Variants in HIF3A observed in about 807,000 individuals in gnomAD.
HIF3A encodes the protein hypoxia-inducible factor 3-alpha.
In HIF3A, 41 loss-of-function variants were observed where a neutral mutation model predicts 67.2. The ratio of observed to expected loss-of-function variants is 0.61; its 90% CI spans 0.48 to 0.79. The LOEUF is 0.79. HIF3A is among the 30% of genes least tolerant of loss of function. HIF3A has a pLI of 0.00. For synonymous variants in HIF3A, 356 were observed against 374.8 expected (o/e 0.95, Z 0.58); for missense variants, 855 against 898.0 (o/e 0.95, Z 0.61).
Position 46,339,603 on chromosome 19 carries a change from G to T in HIF3A, c.1991G>T (p.Gly664Val). The T allele has an allele frequency of 1.2e-6, 2 of 1,606,684 alleles. No homozygotes were observed. Among genetic ancestry groups the T allele is most frequent in the Non-Finnish European group, 1.7e-6 (2 of 1,175,836 alleles). The change falls in exon 15 of 15, where the codon GGC (glycine) becomes GTC (valine). Residue 664 changes from glycine (G) to valine (V), a missense_variant. Around this residue, in one of 3 missense-constraint regions of HIF3A, gnomAD observed 199 missense variants for 193.8 expected, o/e 1.03. Coordinates refer to ENST00000377670, the MANE Select transcript of HIF3A (RefSeq NM_152795.4). ...QPGGPFQPRA[G>V]SAQAD ...GGGGGCCCCTTCCAGCCAAGGGCAGGCTCAGCCCAGGCTGACTGAGCCGGC... is the reference window on the plus strand; with the variant it reads ...GGGGGCCCCTTCCAGCCAAGGGCAGTCTCAGCCCAGGCTGACTGAGCCGGC...
Position 46,341,898 on chromosome 19 carries a change from C to G in HIF3A, c.*2276C>G, listed in dbSNP as rs1971948532. ...ACCTCAGATGATCCACCCGCCTCAG[C>G]CTCCCAAAGTGCTGGGATTACAGGC... is the stretch of plus-strand genomic sequence containing the variant. On this transcript the variant is annotated 3_prime_UTR_variant, in exon 15 of 15. Transcript: ENST00000377670. The G allele has an allele frequency of 6.6e-6, 1 of 152,172 alleles. No homozygotes were observed. The highest frequency in any genetic ancestry group is 1.5e-5 in the Non-Finnish European group (1 of 68,064). The allele number at this position is 152,172 out of a possible 1,614,324, so 9.4% of individuals were successfully genotyped here.
chr19:46,323,271 G>A (rs1049896324), intron 10 of HIF3A, among the ~76,000 whole-genome samples: 5 of 151,606 alleles, frequency 3.3e-5, no homozygotes, highest in Non-Finnish European at 5.9e-5. Context: ...GGCTGGTCTC[G>A]AACTCCTGAC....
chr19:46,337,260 G>A (rs888253332), intron 14 of HIF3A, among the ~76,000 whole-genome samples: 7 of 151,864 alleles, frequency 4.6e-5, no homozygotes, highest in African/African-American at 1.5e-4. Flanking sequence ...TTTTTGGGGT[G>A]TGGGGGGACA....
intron 10 of HIF3A, among the ~76,000 whole-genome samples, chr19:46,323,295 C>A (rs943648574): frequency 6.6e-6 from 1 of 151,696 alleles, no homozygotes; most frequent in African/African-American, 2.4e-5. Context: ...ATGATCCACC[C>A]GCCTCGGCCT....
In HIF3A at chr19:46,334,915, T is replaced by C. The variant is rs755130386; in HGVS notation, c.1841T>C (p.Leu614Pro). 1 of 1,609,060 alleles carries C rather than the reference T, an allele frequency of 6.2e-7. No individual in the cohort carries two copies. Among genetic ancestry groups the C allele is most frequent in the Non-Finnish European group, 8.5e-7 (1 of 1,177,736 alleles). ...LLFPLSLSFL[L>P]TGGPAPGSLQ... ...GTCTCTCTCCCACAGAGTTTCCTTC[T>C]GACAGGAGGACCAGCCCCAGGGAGC... Residue 614 changes from leucine to proline, a missense_variant, in exon 14 of 15, where the codon CTG (leucine) becomes CCG (proline). Coordinates refer to ENST00000377670, the MANE Select transcript of HIF3A (RefSeq NM_152795.4).
chr19:46,312,559 G>T lies in HIF3A; in HGVS notation c.931G>T (p.Gly311Cys), dbSNP rs957453618. 1.9e-6 allele frequency: 3 copies of T among 1,613,382 alleles called. No homozygotes were observed. The highest frequency in any genetic ancestry group is 2.7e-5 in the African/African-American group (2 of 74,900). Residue 311 changes from glycine to cysteine, a missense_variant, in exon 8 of 15, where the codon GGT becomes TGT. Gly to Cys is a radical substitution (Grantham distance 159). Coordinates refer to ENST00000377670, the MANE Select transcript of HIF3A (RefSeq NM_152795.4). ...TGQYRFLARS[G>C]GYLWTQTQAT... ...GCAGTATCGCTTCCTGGCCCGGAGT[G>T]GTGGCTACCTGTGGACCCAGACCCA...
At position 46,307,502 on chromosome 19, in the gene HIF3A, C is replaced by T. The variant is rs374787380; in HGVS notation, c.364-719C>T. Among the ~76,000 whole-genome samples, 114 of 152,250 alleles carry T rather than the reference C, an allele frequency of 7.5e-4. 3 individuals carry two copies. The South Asian group carries it at 0.023, about 30-fold the overall frequency. On this transcript the variant is annotated intron_variant, in intron 3 of 14. Transcript: ENST00000377670. ...GTGGCTCACACCTATAATCCCAGCA[C>T]TTTGGAAGGCCAAAGTAGGCAGATC...
At position 46,314,428 on chromosome 19, in the gene HIF3A, A is replaced by G. The variant is rs1471401067; in HGVS notation, c.1025+1775A>G. Among the ~76,000 whole-genome samples, 2 of 146,940 alleles carry G rather than the reference A, an allele frequency of 1.4e-5. 1 individual carries two copies. Among genetic ancestry groups the G allele is most frequent in the Non-Finnish European group, 3.0e-5 (2 of 66,932 alleles). On this transcript the variant is annotated intron_variant, in intron 8 of 14. Transcript: ENST00000377670. ...AAATATATATGGTTTTCATGCAGTA[A>G]ATTCTGTTTATGGTACACAGTTCTG...
In HIF3A at chr19:46,312,277, C is replaced by G. The variant is rs1969501935; in HGVS notation, c.877+10C>G. 6.2e-7 allele frequency: 1 copy of G among 1,613,924 alleles called. No homozygotes were observed. Among genetic ancestry groups the G allele is most frequent in the Non-Finnish European group, 8.5e-7 (1 of 1,179,934 alleles). On this transcript the variant is annotated intron_variant, in intron 7 of 14. Transcript: ENST00000377670. Reference sequence around the variant, plus strand: ...AAGAGCATCCACACCTGTATGTATCCCATTTCCCCAGGTGCGAAGCCAGCT... The same window carrying G: ...AAGAGCATCCACACCTGTATGTATCGCATTTCCCCAGGTGCGAAGCCAGCT...
chr19:46,298,961 C>T (rs887309937), intron 1 of HIF3A, among the ~76,000 whole-genome samples: 7 of 152,192 alleles, frequency 4.6e-5, no homozygotes, highest in Non-Finnish European at 1.0e-4. Flanking sequence ...GCAGGGACTG[C>T]CTGCTTTTAT....
chr19:46,327,569 G>T (rs1313564390), intron 11 of HIF3A, among the ~76,000 whole-genome samples: 5 of 152,000 alleles, frequency 3.3e-5, no homozygotes, highest in Non-Finnish European at 7.4e-5. Flanking sequence ...CATCTGGAGG[G>T]CTCCTGCAGT....
intron 3 of HIF3A, among the ~76,000 whole-genome samples, chr19:46,306,065 C>T (rs1240802974): frequency 6.6e-6 from 1 of 152,112 alleles, no homozygotes; most frequent in African/African-American, 2.4e-5. Flanking sequence ...GGTGACAGAG[C>T]AAGACCCAGT....
intron 14 of HIF3A, among the ~76,000 whole-genome samples, chr19:46,339,272 A>T (rs1020685111): frequency 9.4e-5 from 14 of 148,182 alleles, no homozygotes; most frequent in Non-Finnish European, 1.5e-5. Flanking sequence ...CCCAGCCAAT[A>T]AAAAAAAAGT....
intron 1 of HIF3A, chr19:46,303,564 TC>T: frequency 6.7e-7 from 1 of 1,494,716 alleles, no homozygotes; most frequent in Non-Finnish European, 9.0e-7. Context: ...GCCCTCCCTG[TC>T]CCCCAGGCGT....
intron 3 of HIF3A, among the ~76,000 whole-genome samples, chr19:46,307,447 T>A (rs1410886012): frequency 2.7e-5 from 4 of 149,298 alleles, no homozygotes; most frequent in Admixed American, 6.6e-5. Context: ...TACAAAAAAA[T>A]TTGTAAAAAT....
chr19:46,308,881 C>A, intron 5 of HIF3A, 106 bp downstream of exon 5: 1 of 781,610 alleles, frequency 1.3e-6, no homozygotes, highest in African/African-American at 1.7e-5. Flanking sequence ...GCTGGGGACC[C>A]TGCGGGGCTC....
At chr19:46,308,893 C>A in intron 5 of HIF3A, 118 bp downstream of exon 5, 2 of 736,574 alleles carry the variant, frequency 2.7e-6, no homozygotes, top group Non-Finnish European at 4.5e-6. Context: ...GCGGGGCTCA[C>A]TCAGGTCAGG....
At chr19:46,331,008 G>A in intron 12 of HIF3A, 148 bp from the exon 13 acceptor site, 1 of 522,222 alleles carries the variant, frequency 1.9e-6, no homozygotes, top group Non-Finnish European at 3.4e-6. Context: ...AGATGGATTG[G>A]TGGATGGATG....
Position 46,320,566 on chromosome 19 carries a change from G to A in HIF3A, c.1144+5G>A. The A allele has an allele frequency of 6.2e-7, 1 of 1,607,720 alleles. No individual in the cohort carries two copies. The highest frequency in any genetic ancestry group is 8.5e-7 in the Non-Finnish European group (1 of 1,174,436). On this transcript the variant is annotated splice_donor_5th_base_variant and intron_variant, in intron 9 of 14. Transcript: ENST00000377670. ...CTAACCCTGGGGACAGCCTTGGTAT[G>A]GGGCAGGGCTGGGGCCGGGAGGGGT...
Sources: gnomAD v4.1 joint callset for allele counts (sites outside exome capture counted in the v4.1 genomes callset) on GRCh38, gnomAD v4.1.1 for gene constraint, gnomAD v4.1.1 regional missense constraint, MANE v1.5 for transcripts, NCBI Gene and HGNC (gene_info 2026-07-23, HGNC 2026-07-21) for gene names.